LEPR: variants seen among roughly 807,000 people sequenced by gnomAD.
LEPR encodes OB receptor.
A neutral mutation model predicts 114.7 loss-of-function variants in LEPR; 56 were observed. The ratio of observed to expected loss-of-function variants is 0.49; its 90% CI spans 0.39 to 0.61. LEPR has a LOEUF of 0.61. Ranked by LOEUF, LEPR falls within the 20% of genes least tolerant of loss-of-function variation. LEPR has a pLI of 0.00. For missense variants in LEPR, 1,202 were observed against 1,352.9 expected (o/e 0.89, Z 1.75); for synonymous variants, 443 against 461.4 (o/e 0.96, Z 0.51).
At chr1:65,584,750 G>A (rs1655207256) in intron 5 of LEPR, among the ~76,000 whole-genome samples, 1 of 152,024 alleles carries the variant, frequency 6.6e-6, no homozygotes, top group East Asian at 1.9e-4. Context: ...AGTTAAATAG[G>A]ATAGGTCTTC....
intron 2 of LEPR, among the ~76,000 whole-genome samples, chr1:65,523,727 T>C (rs1171034050): frequency 6.6e-6 from 1 of 152,244 alleles, no homozygotes; most frequent in Non-Finnish European, 1.5e-5. Context: ...TTTTGATCTC[T>C]ATTAGTTTAC....
chr1:65,570,141 A>G (rs1331686558), intron 3 of LEPR, among the ~76,000 whole-genome samples: 2 of 152,224 alleles, frequency 1.3e-5, no homozygotes, highest in Non-Finnish European at 2.9e-5. Flanking sequence ...CTAGAATAAT[A>G]TGCTTTAGAA....
At chr1:65,456,973 A>G (rs1358810600) in intron 2 of LEPR, among the ~76,000 whole-genome samples, 1 of 151,960 alleles carries the variant, frequency 6.6e-6, no homozygotes, top group Non-Finnish European at 1.5e-5. Flanking sequence ...TTCCATATCT[A>G]TTGTATCTGT....
intron 2 of LEPR, among the ~76,000 whole-genome samples, chr1:65,547,691 T>C (rs913835120): frequency 7.3e-5 from 11 of 150,418 alleles, no homozygotes; most frequent in African/African-American, 2.7e-4. Flanking sequence ...ATTTGATTCT[T>C]CTCTCTTTTT....
intron 10 of LEPR, among the ~76,000 whole-genome samples, 177 bp from the exon 11 acceptor site, chr1:65,604,861 C>T (rs192014395): frequency 1.3e-5 from 2 of 152,276 alleles, no homozygotes; most frequent in East Asian, 1.9e-4. Flanking sequence ...AGTTTCATCC[C>T]GAAATCCTGA....
chr1:65,634,259 C>A, intron 19 of LEPR: 1 of 975,924 alleles, frequency 1.0e-6, no homozygotes, highest in Non-Finnish European at 1.2e-6. Flanking sequence ...AGATTTAACT[C>A]GTAGTTTTAT....
chr1:65,589,979 A>T (rs1014554094), intron 5 of LEPR, among the ~76,000 whole-genome samples: 3 of 151,974 alleles, frequency 2.0e-5, no homozygotes, highest in African/African-American at 7.2e-5. Context: ...GATTGTGAGT[A>T]GCATTGCATT....
At chr1:65,567,792 A>T (rs139183383) in intron 3 of LEPR, among the ~76,000 whole-genome samples, 2 of 152,114 alleles carry the variant, frequency 1.3e-5, no homozygotes, top group African/African-American at 4.8e-5. Flanking sequence ...CAAAATTGAG[A>T]GGAAGGTACA....
chr1:65,488,266 TC>T (rs1647675563), intron 2 of LEPR, among the ~76,000 whole-genome samples: 1 of 135,966 alleles, frequency 7.4e-6, no homozygotes, highest in Non-Finnish European at 1.6e-5. Flanking sequence ...CTTTTCTTTC[TC>T]TTTCCTCTTT....
chr1:65,453,563 G>A (rs1646820103), intron 2 of LEPR, among the ~76,000 whole-genome samples: 1 of 152,114 alleles, frequency 6.6e-6, no homozygotes, highest in African/African-American at 2.4e-5. Context: ...GGAGCAGGTT[G>A]TTCAGTTTCC....
chr1:65,586,462 T>G (rs1205033776), intron 5 of LEPR, among the ~76,000 whole-genome samples: 1 of 152,040 alleles, frequency 6.6e-6, no homozygotes, highest in African/African-American at 2.4e-5. Flanking sequence ...AAGGGCCAAA[T>G]AGTAAACATT....
At chr1:65,608,552 GTC>G (rs1009250729) in intron 11 of LEPR, among the ~76,000 whole-genome samples, 199 bp from the exon 12 acceptor site, 1 of 152,056 alleles carries the variant, frequency 6.6e-6, no homozygotes, top group African/African-American at 2.4e-5. Context: ...TTTCAGTCAA[GTC>G]TATATTTGCG....
At chr1:65,631,127 G>A (rs1658501702) in intron 19 of LEPR, among the ~76,000 whole-genome samples, 1 of 152,134 alleles carries the variant, frequency 6.6e-6, no homozygotes, top group Non-Finnish European at 1.5e-5. Flanking sequence ...GCCAGATGAG[G>A]AAAGATGTGC....
At chr1:65,623,916 A>G (rs1658037355) in intron 19 of LEPR, among the ~76,000 whole-genome samples, 1 of 152,102 alleles carries the variant, frequency 6.6e-6, no homozygotes, top group Non-Finnish European at 1.5e-5. Context: ...TTCCTTGTAC[A>G]TGAAGATCTT....
chr1:65,634,458 T>A lies in LEPR; in HGVS notation c.2674-1733T>A, dbSNP rs980201290. 3.3e-5 allele frequency: 32 copies of A among 961,198 alleles called. 1 individual carries two copies. In the African/African-American group the frequency reaches 5.5e-4, roughly 16 times the overall value. 59.5% of individuals were successfully genotyped at this position (961,198 alleles called of 1,614,324 possible). A position where few individuals can be genotyped will look rare whatever the true frequency, so the allele number is the denominator to read the frequency against. On this transcript the variant is annotated intron_variant, in intron 19 of 19. Transcript: ENST00000349533. ...TTCTAAAATCTTAAAAAAAGATGCA[T>A]ATAGTGAAATTTTTTAAATGGATAT...
intron 5 of LEPR, among the ~76,000 whole-genome samples, chr1:65,578,680 GA>G (rs1654767932): frequency 6.6e-6 from 1 of 152,176 alleles, no homozygotes; most frequent in African/African-American, 2.4e-5. Flanking sequence ...TCACCTGAAT[GA>G]ATATTGTGGA....
intron 2 of LEPR, among the ~76,000 whole-genome samples, chr1:65,546,306 C>T (rs1422346065): frequency 6.6e-6 from 1 of 152,116 alleles, no homozygotes; most frequent in African/African-American, 2.4e-5. Flanking sequence ...TTTTTGGTTC[C>T]ATGTGAACTT....
intron 2 of LEPR, among the ~76,000 whole-genome samples, chr1:65,546,046 A>G (rs1335729656): frequency 1.3e-5 from 2 of 151,290 alleles, no homozygotes; most frequent in African/African-American, 4.9e-5. Flanking sequence ...TTTTCCCAGC[A>G]CCATTTATTA....
At chr1:65,505,183 GATAAAA>G (rs944942294) in intron 2 of LEPR, among the ~76,000 whole-genome samples, 2 of 152,078 alleles carry the variant, frequency 1.3e-5, no homozygotes, top group South Asian at 2.1e-4. Flanking sequence ...TTATGAGTAT[GATAAAA>G]ATAAAGTACT....
Sources: gnomAD v4.1 joint callset for allele counts (sites outside exome capture counted in the v4.1 genomes callset) on GRCh38, gnomAD v4.1.1 for gene constraint, MANE v1.5 for transcripts, NCBI Gene and HGNC (gene_info 2026-07-23, HGNC 2026-07-21) for gene names.